SEMA6A: variants seen among roughly 807,000 people sequenced by gnomAD.
The protein encoded by SEMA6A is semaphorin 6A.
In SEMA6A, 25 loss-of-function variants were observed where a neutral mutation model predicts 96.8. That is an observed-to-expected ratio of 0.26 (90% CI 0.19 to 0.36). SEMA6A has a LOEUF of 0.36. SEMA6A is among the 10% of genes least tolerant of loss of function. SEMA6A has a pLI of 1.00. For missense variants in SEMA6A, 1,363 were observed against 1,323.1 expected, an observed-to-expected ratio of 1.03 and a Z score of -0.47; for synonymous variants, 612 against 518.0, an observed-to-expected ratio of 1.18 and a Z score of -2.46.
intron 17 of SEMA6A, among the ~76,000 whole-genome samples, chr5:116,470,593 A>C (rs540121399): frequency 6.6e-6 from 1 of 152,364 alleles, no homozygotes; most frequent in African/African-American, 2.4e-5. Flanking sequence ...AAACAGAGAC[A>C]CTAAATCAAT....
chr5:116,499,143 T>C (rs1030383936), intron 3 of SEMA6A: 5 of 152,310 alleles, frequency 3.3e-5, no homozygotes, highest in African/African-American at 1.2e-4. Flanking sequence ...CACAGAATTC[T>C]GTGAATGAAA....
intron 1 of SEMA6A, among the ~76,000 whole-genome samples, chr5:116,552,625 C>T (rs1266041703): frequency 6.6e-6 from 1 of 152,126 alleles, no homozygotes; most frequent in Non-Finnish European, 1.5e-5. Flanking sequence ...AGACAGCCAC[C>T]GTCTTGTGAG....
chr5:116,452,819 T>C (rs1754727685), intron 18 of SEMA6A, among the ~76,000 whole-genome samples: 1 of 152,230 alleles, frequency 6.6e-6, no homozygotes, highest in African/African-American at 2.4e-5. Flanking sequence ...ACTCTCCTAG[T>C]ATAACAAGGT....
intron 1 of SEMA6A, among the ~76,000 whole-genome samples, chr5:116,520,516 A>C (rs1758883415): frequency 6.6e-6 from 1 of 152,166 alleles, no homozygotes; most frequent in South Asian, 2.1e-4. Flanking sequence ...AATCAGTACT[A>C]AAACAAGGAA....
chr5:116,454,823 C>T (rs909117773), intron 18 of SEMA6A, among the ~76,000 whole-genome samples: 19 of 150,932 alleles, frequency 1.3e-4, no homozygotes, highest in East Asian at 3.9e-4. Context: ...TGTGTGTGTG[C>T]GCGTGTGTGT....
chr5:116,534,738 T>A lies in SEMA6A; in HGVS notation c.-38-29756A>T, dbSNP rs112052012. 5.9e-3 allele frequency among the ~76,000 whole-genome samples: 898 copies of A among 152,350 alleles called. 16 individuals carry two copies. Among genetic ancestry groups the A allele is most frequent in the African/African-American group, 0.021 (853 of 41,588 alleles). On this transcript the variant is annotated intron_variant, in intron 1 of 18. Coordinates refer to ENST00000343348, the MANE Select transcript of SEMA6A (RefSeq NM_020796.5). ...GGTTGATCTTTTGTCCCCGCTAGGC[T>A]ATGAGTTCCTTGAGTCCTTGGATCA...
At chr5:116,565,511 A>T (rs1408703575) in intron 1 of SEMA6A, among the ~76,000 whole-genome samples, 3 of 152,246 alleles carry the variant, frequency 2.0e-5, no homozygotes, top group African/African-American at 7.2e-5. Flanking sequence ...GAAAACCATT[A>T]ACAAGTATTC....
intron 1 of SEMA6A, among the ~76,000 whole-genome samples, chr5:116,556,431 T>C (rs935158916): frequency 4.6e-5 from 7 of 152,188 alleles, no homozygotes; most frequent in African/African-American, 1.7e-4. Context: ...TAGGAGGGTT[T>C]GGTGTCAAAT....
intron 3 of SEMA6A, among the ~76,000 whole-genome samples, chr5:116,500,582 A>C (rs1361289521): frequency 6.6e-6 from 1 of 152,108 alleles, no homozygotes; most frequent in Non-Finnish European, 1.5e-5. Flanking sequence ...CAGTTTCAGG[A>C]TGTTTTAGTC....
Position 116,495,527 on chromosome 5 carries a change from T to C in SEMA6A, c.343-13A>G, listed in dbSNP as rs1757549766. ...TGTGGCACTCATCCTGAAAAATAAT[T>C]CAAACTGTTTTGTATCATGTCCATT... is the stretch of plus-strand genomic sequence containing the variant. On this transcript the variant is annotated splice_polypyrimidine_tract_variant and intron_variant, in intron 5 of 18. Transcript: ENST00000343348. 3 of 1,545,686 alleles carry C rather than the reference T, an allele frequency of 1.9e-6. No individual in the cohort carries two copies. Among genetic ancestry groups the C allele is most frequent in the Non-Finnish European group, 2.7e-6 (3 of 1,131,868 alleles).
chr5:116,449,449 C>T, intron 18 of SEMA6A: 1 of 677,094 alleles, frequency 1.5e-6, no homozygotes, highest in Non-Finnish European at 2.7e-6. Context: ...CTACCCCTTC[C>T]CAAGCCCACA....
chr5:116,455,147 A>G (rs1212564080), intron 18 of SEMA6A, among the ~76,000 whole-genome samples: 1 of 152,140 alleles, frequency 6.6e-6, no homozygotes, highest in African/African-American at 2.4e-5. Flanking sequence ...TAGAGAAGAA[A>G]CAGCTTCATT....
chr5:116,472,675 A>T, intron 17 of SEMA6A: 1 of 487,168 alleles, frequency 2.1e-6, no homozygotes, highest in Non-Finnish European at 3.6e-6. Context: ...TATCTGGATT[A>T]AAAATTTAGG....
chr5:116,545,233 G>A (rs917690682), intron 1 of SEMA6A, among the ~76,000 whole-genome samples: 1 of 152,188 alleles, frequency 6.6e-6, no homozygotes, highest in Non-Finnish European at 1.5e-5. Context: ...CCAGCCAATG[G>A]AGACAGGACA....
At chr5:116,566,164 T>C (rs552863946) in intron 1 of SEMA6A, among the ~76,000 whole-genome samples, 2 of 152,332 alleles carry the variant, frequency 1.3e-5, no homozygotes, top group South Asian at 4.1e-4. Context: ...TGTTCTGTTC[T>C]ATAAATGCTT....
intron 17 of SEMA6A, 39 bp downstream of exon 17, chr5:116,473,029 AGGTTT>A: frequency 6.4e-7 from 1 of 1,568,562 alleles, no homozygotes; most frequent in Non-Finnish European, 8.7e-7. Flanking sequence ...ATTCTCAGAT[AGGTTT>A]CCACCAGTAT....
intron 4 of SEMA6A, 127 bp downstream of exon 4, chr5:116,497,200 C>CA: frequency 1.7e-6 from 1 of 594,732 alleles, no homozygotes; most frequent in Non-Finnish European, 3.0e-6. Context: ...TAGGATTTCA[C>CA]AAAATGCATG....
chr5:116,550,860 A>C (rs977885243), intron 1 of SEMA6A, among the ~76,000 whole-genome samples: 2 of 152,200 alleles, frequency 1.3e-5, no homozygotes, highest in Non-Finnish European at 2.9e-5. Context: ...GCATTGATTC[A>C]TAGATGCCCA....
At chr5:116,482,608 C>T in intron 10 of SEMA6A, 33 bp from the exon 11 acceptor site, 1 of 1,611,080 alleles carries the variant, frequency 6.2e-7, no homozygotes, top group Non-Finnish European at 8.5e-7. Flanking sequence ...AAGTGTTACT[C>T]ATGCAATGGT....
Sources: gnomAD v4.1 joint callset for allele counts (sites outside exome capture counted in the v4.1 genomes callset) on GRCh38, gnomAD v4.1.1 for gene constraint, MANE v1.5 for transcripts, NCBI Gene and HGNC (gene_info 2026-07-23, HGNC 2026-07-21) for gene names.